Variants in VPS8 observed in about 807,000 individuals in gnomAD.
VPS8 encodes the protein vacuolar protein sorting-associated protein 8 homolog.
In VPS8, 129 loss-of-function variants were observed where a neutral mutation model predicts 216.4. That is an observed-to-expected ratio of 0.60 (90% confidence interval 0.52 to 0.69). The LOEUF is 0.69. VPS8 is among the 30% of genes least tolerant of loss of function. The pLI, the probability that VPS8 is intolerant of heterozygous loss-of-function variation, is 0.00. For missense variants in VPS8, 1,531 were observed against 1,683.5 expected (o/e 0.91, Z 1.59); for synonymous variants, 571 against 565.4 (o/e 1.01, Z -0.14).
At chr3:184,928,682 C>T in intron 32 of VPS8, 149 bp downstream of exon 32, 1 of 616,694 alleles carries the variant, frequency 1.6e-6, no homozygotes, top group Non-Finnish European at 2.3e-6. Context: ...AAAATTTTTC[C>T]CTTTTAATTG....
At chr3:184,976,965 G>A (rs1749376662) in intron 40 of VPS8, among the ~76,000 whole-genome samples, 1 of 152,196 alleles carries the variant, frequency 6.6e-6, no homozygotes, top group African/African-American at 2.4e-5. Context: ...CTTTTCCTTT[G>A]GGTATATTCC....
At chr3:185,027,383 C>T (rs1757535736) in intron 46 of VPS8, among the ~76,000 whole-genome samples, 1 of 151,806 alleles carries the variant, frequency 6.6e-6, no homozygotes. Flanking sequence ...GCTGGGACTA[C>T]AGGTGCCCGC....
chr3:184,936,515 C>CTGTG (rs59011109), intron 35 of VPS8, among the ~76,000 whole-genome samples, 180 bp downstream of exon 35: 14,081 of 119,208 alleles, frequency 0.12, 945 homozygotes, highest in Middle Eastern at 0.21. Context: ...CAACCTAATA[C>CTGTG]TGTGTGTGTG....
chr3:184,950,545 T>C (rs928760336), intron 36 of VPS8, among the ~76,000 whole-genome samples: 1 of 152,008 alleles, frequency 6.6e-6, no homozygotes, highest in African/African-American at 2.4e-5. Flanking sequence ...CAATGTTTAT[T>C]TTCTTTGTCA....
chr3:184,887,108 C>T (rs549840119), intron 22 of VPS8, among the ~76,000 whole-genome samples: 16 of 152,156 alleles, frequency 1.1e-4, no homozygotes, highest in South Asian at 6.2e-4. Flanking sequence ...TGTGGGAGGC[C>T]GAGGTGGGAG....
At chr3:184,835,751 C>T (rs1201189662) in intron 5 of VPS8, among the ~76,000 whole-genome samples, 1 of 149,908 alleles carries the variant, frequency 6.7e-6, no homozygotes, top group Non-Finnish European at 1.5e-5. Flanking sequence ...ACTCTGTCGC[C>T]CAAGCTGGAG....
At chr3:184,942,340 TC>T in intron 36 of VPS8, among the ~76,000 whole-genome samples, 1 of 152,306 alleles carries the variant, frequency 6.6e-6, no homozygotes, top group Non-Finnish European at 1.5e-5. Flanking sequence ...ATATTTTATT[TC>T]CCTAAGCTAA....
At chr3:184,938,919 G>A (rs1216143992) in intron 35 of VPS8, among the ~76,000 whole-genome samples, 1 of 151,004 alleles carries the variant, frequency 6.6e-6, no homozygotes, top group Admixed American at 6.6e-5. Flanking sequence ...TGTCCCAGCT[G>A]TACGGGAGGC....
At chr3:184,896,024 A>T (rs932433469) in intron 23 of VPS8, among the ~76,000 whole-genome samples, 12 of 152,116 alleles carry the variant, frequency 7.9e-5, no homozygotes, top group African/African-American at 2.9e-4. Context: ...TGAATATGGA[A>T]GACTAACAAA....
chr3:185,032,463 AG>A (rs1758307668), intron 46 of VPS8, among the ~76,000 whole-genome samples: 3 of 152,114 alleles, frequency 2.0e-5, no homozygotes, highest in African/African-American at 7.2e-5. Flanking sequence ...GAGTGGGTGG[AG>A]GGAATGGACA....
intron 45 of VPS8, among the ~76,000 whole-genome samples, chr3:185,003,887 C>T (rs1402688535): frequency 5.3e-5 from 8 of 151,404 alleles, no homozygotes; most frequent in South Asian, 2.1e-4. Flanking sequence ...GATGGGGTCG[C>T]GGCCAGGCAG....
At chr3:184,983,691 C>T (rs1380430319) in intron 42 of VPS8, among the ~76,000 whole-genome samples, 1 of 152,088 alleles carries the variant, frequency 6.6e-6, no homozygotes, top group Non-Finnish European at 1.5e-5. Flanking sequence ...AACCTGTGAG[C>T]ATTCTTGGGG....
At chr3:185,048,885 C>T (rs763653695) in intron 47 of VPS8, among the ~76,000 whole-genome samples, 3 of 152,194 alleles carry the variant, frequency 2.0e-5, no homozygotes, top group Non-Finnish European at 2.9e-5. Context: ...TGGATAGGTG[C>T]CCAATCTGTC....
intron 37 of VPS8, among the ~76,000 whole-genome samples, chr3:184,961,219 A>G (rs895123774): frequency 5.3e-5 from 8 of 152,176 alleles, no homozygotes; most frequent in African/African-American, 1.9e-4. Context: ...ATGAAAATGT[A>G]CAGACACACA....
At chr3:184,822,499 AAG>A (rs1335061280) in intron 1 of VPS8, among the ~76,000 whole-genome samples, 1 of 152,218 alleles carries the variant, frequency 6.6e-6, no homozygotes, top group African/African-American at 2.4e-5. Flanking sequence ...TTATTTTGGA[AAG>A]AGATAAAATA....
At position 184,920,012 on chromosome 3, in the gene VPS8, A is replaced by G. The variant is rs568116331; in HGVS notation, c.2383-115A>G. On this transcript the variant is annotated intron_variant, in intron 28 of 47. Coordinates refer to ENST00000625842, the MANE Select transcript of VPS8 (RefSeq NM_001009921.3). ...GTGTATAAGACAAAACCTAATGAGG[A>G]ATAGTTATCTTATTTGAGAAATTAC... is the stretch of plus-strand genomic sequence containing the variant. 9.3e-5 allele frequency: 69 copies of G among 742,708 alleles called. No homozygotes were observed. The South Asian group carries it at 1.3e-3, about 14-fold the overall frequency. 46.0% of individuals were successfully genotyped at this position (742,708 alleles called of 1,614,324 possible).
At chr3:185,041,394 T>C (rs1429461891) in intron 46 of VPS8, among the ~76,000 whole-genome samples, 1 of 152,076 alleles carries the variant, frequency 6.6e-6, no homozygotes, top group Non-Finnish European at 1.5e-5. Flanking sequence ...TGTGTCTTAT[T>C]ATGGGGCTGT....
At position 184,957,439 on chromosome 3, in the gene VPS8, A is replaced by G. The variant is rs769008542; in HGVS notation, c.3101A>G (p.Glu1034Gly). 8 of 1,612,696 alleles carry G rather than the reference A, an allele frequency of 5.0e-6. No homozygotes were observed. Among genetic ancestry groups the G allele is most frequent in the Non-Finnish European group, 5.9e-6 (7 of 1,179,332 alleles). ...ISPCITEQFI[E>G]LLCQFNPTQV... ...CCTTGTATCACAGAGCAGTTCATTG[A>G]GCTGTTGTGTCAGTTCAACCCAACC... Residue 1034 changes from glutamate to glycine, a missense_variant, in exon 37 of 48, where the codon GAG becomes GGG. Physicochemically the swap from Glu to Gly is moderately conservative, Grantham distance 98. This residue lies in a region of VPS8 where 1,318 missense variants were observed against 1,468.4 expected (regional missense o/e 0.90). Transcript: ENST00000625842.
In VPS8 at chr3:184,940,221, T is replaced by G; in HGVS notation, c.3013T>G (p.Leu1005Val). The G allele has an allele frequency of 6.7e-7, 1 of 1,490,264 alleles. No homozygotes were observed. Among genetic ancestry groups the G allele is most frequent in the Non-Finnish European group, 9.0e-7 (1 of 1,111,986 alleles). 92.3% of individuals were successfully genotyped at this position (1,490,264 alleles called of 1,614,324 possible). ...LQNQVLLFKF[L>V]RSLLDPREGI... Reference sequence around the variant, plus strand: ...GAACCAGGTTTTGCTTTTCAAATTTTTGAGGAGTCTTCTTGACCCAAGGTA... The same window carrying G: ...GAACCAGGTTTTGCTTTTCAAATTTGTGAGGAGTCTTCTTGACCCAAGGTA... Residue 1005 changes from leucine (L) to valine (V), a missense_variant, in exon 36 of 48, where the codon TTG (leucine) becomes GTG (valine). Physicochemically the swap from Leu to Val is conservative, Grantham distance 32. Around this residue, in one of 3 missense-constraint regions of VPS8, gnomAD observed 1,318 missense variants for 1,468.4 expected, o/e 0.90. Transcript: ENST00000625842.
Sources: gnomAD v4.1 joint callset for allele counts (sites outside exome capture counted in the v4.1 genomes callset) on GRCh38, gnomAD v4.1.1 for gene constraint, gnomAD v4.1.1 regional missense constraint, MANE v1.5 for transcripts, NCBI Gene and HGNC (gene_info 2026-07-23, HGNC 2026-07-21) for gene names.